Variants in KASH5 observed in about 807,000 individuals in gnomAD.
KASH5 encodes KASH domain containing 5, also known as protein KASH5.
In KASH5, 72 loss-of-function variants were observed where a neutral mutation model predicts 84.2. The ratio of observed to expected loss-of-function variants is 0.85; its 90% CI spans 0.71 to 1.04. KASH5 has a LOEUF of 1.04. KASH5 is among the 50% of genes least tolerant of loss of function. The probability of loss-of-function intolerance (pLI) is 0.00; values close to 1 mark genes in which losing one functional copy is unlikely to be tolerated. For synonymous variants in KASH5, 260 were observed against 279.1 expected (o/e 0.93, Z 0.68); for missense variants, 650 against 701.0 (o/e 0.93, Z 0.82).
At chr19:49,413,728 G>A (rs753894787) in intron 16 of KASH5, among the ~76,000 whole-genome samples, 6 of 152,116 alleles carry the variant, frequency 3.9e-5, no homozygotes, top group Non-Finnish European at 8.8e-5. Flanking sequence ...AGAGGTCAGG[G>A]GCAGTTTGAT....
In KASH5 at chr19:49,398,100, C is replaced by G; in HGVS notation, c.586C>G (p.Arg196Gly). 6.2e-7 allele frequency: 1 copy of G among 1,606,116 alleles called. No homozygotes were observed. Among genetic ancestry groups the G allele is most frequent in the South Asian group, 1.1e-5 (1 of 90,700 alleles). Reference protein sequence around the residue: ...SMETAEEGSARLGEEILALRK... With the variant: ...SMETAEEGSAGLGEEILALRK... ...GGAGACAGCTGAGGAGGGGTCAGCA[C>G]GCCTTGGGGAGGAGATCTTGGCTCT... Residue 196 changes from arginine (R) to glycine (G), a missense_variant, in exon 7 of 20, where the codon CGC becomes GGC. Coordinates refer to ENST00000447857, the MANE Select transcript of KASH5 (RefSeq NM_144688.5).
chr19:49,415,083 C>A, intron 17 of KASH5, 87 bp downstream of exon 17: 3 of 1,262,900 alleles, frequency 2.4e-6, no homozygotes, highest in Non-Finnish European at 3.4e-6. Context: ...CAAGCCCCAG[C>A]CTCACACTCC....
Position 49,399,851 on chromosome 19 carries a change from G to A in KASH5, c.798+344G>A. 1 of 390,798 alleles carries A rather than the reference G, an allele frequency of 2.6e-6. No homozygotes were observed. The highest frequency in any genetic ancestry group is 4.6e-6 in the Non-Finnish European group (1 of 216,202). 24.2% of individuals were successfully genotyped at this position (390,798 alleles called of 1,614,324 possible). A position where few individuals can be genotyped will look rare whatever the true frequency, so the allele number is the denominator to read the frequency against. On this transcript the variant is annotated intron_variant, in intron 9 of 19. Transcript: ENST00000447857. This position sits in a 1 kb window ranked among gnomAD's most constrained non-coding sequence, Gnocchi z 4.4. Reference sequence around the variant, plus strand: ...GTGAGACTTCAACCGAAGGATACTTGCAAAGTCTTGGGCACAAGGTAGGAC... The same window carrying A: ...GTGAGACTTCAACCGAAGGATACTTACAAAGTCTTGGGCACAAGGTAGGAC...
chr19:49,397,898 C>A, intron 6 of KASH5, 84 bp from the exon 7 acceptor site: 1 of 1,514,352 alleles, frequency 6.6e-7, no homozygotes. Flanking sequence ...AGAGCCACAT[C>A]TCCCCACCAC....
intron 5 of KASH5, among the ~76,000 whole-genome samples, chr19:49,396,182 G>C (rs1974170649): frequency 6.6e-6 from 1 of 150,664 alleles, no homozygotes; most frequent in Non-Finnish European, 1.5e-5. Flanking sequence ...CCCCACTTCT[G>C]CCCAGCACAG....
At chr19:49,403,385 AGGG>A (rs10570219) in intron 9 of KASH5, among the ~76,000 whole-genome samples, 2 of 103,266 alleles carry the variant, frequency 1.9e-5, no homozygotes, top group Non-Finnish European at 4.6e-5. Flanking sequence ...ATAAAAAAAA[AGGG>A]GGGGGGCAGC....
chr19:49,389,017 C>T (rs1225214680), intron 1 of KASH5, among the ~76,000 whole-genome samples: 1 of 151,594 alleles, frequency 6.6e-6, no homozygotes, highest in Non-Finnish European at 1.5e-5. Flanking sequence ...CAGAGACCCC[C>T]GCAGAAATCA....
intron 17 of KASH5, 139 bp downstream of exon 17, chr19:49,415,135 T>G: frequency 4.8e-6 from 4 of 829,940 alleles, no homozygotes; most frequent in Non-Finnish European, 7.9e-6. Context: ...GGCCAAGAGA[T>G]AACAAGGCCT....
At chr19:49,415,176 T>TG in intron 17 of KASH5, 180 bp downstream of exon 17, 2 of 679,986 alleles carry the variant, frequency 2.9e-6, no homozygotes. Context: ...GATGGTGAGG[T>TG]GGGGGGAGGC....
At chr19:49,396,774 AGTG>A (rs57655048) in intron 5 of KASH5, among the ~76,000 whole-genome samples, 30,788 of 152,088 alleles carry the variant, frequency 0.2, 3,458 homozygotes, top group Non-Finnish European at 0.25. Flanking sequence ...CCATAAAAAA[AGTG>A]GTCATGATTA....
At position 49,416,920 on chromosome 19, in the gene KASH5, C is replaced by T; in HGVS notation, c.1375-95C>T. Reference sequence around the variant, plus strand: ...CACTCACTTATCTCCTGAGCTCCACCACTTTCTATGTGGCCACTTGTGTCC... The same window carrying T: ...CACTCACTTATCTCCTGAGCTCCACTACTTTCTATGTGGCCACTTGTGTCC... On this transcript the variant is annotated intron_variant, in intron 17 of 19. Coordinates refer to ENST00000447857, the MANE Select transcript of KASH5 (RefSeq NM_144688.5). The surrounding 1 kb of genome is among the most constrained non-coding windows in gnomAD (Gnocchi z 5.4). 7.9e-7 allele frequency: 1 copy of T among 1,257,956 alleles called. No homozygotes were observed. The highest frequency in any genetic ancestry group is 1.1e-6 in the Non-Finnish European group (1 of 883,702). The allele number at this position is 1,257,956 out of a possible 1,614,324, so 77.9% of individuals were successfully genotyped here. A position where few individuals can be genotyped will look rare whatever the true frequency, so the allele number is the denominator to read the frequency against.
intron 6 of KASH5, 109 bp downstream of exon 6, chr19:49,397,826 G>C: frequency 2.7e-6 from 4 of 1,463,634 alleles, no homozygotes; most frequent in African/African-American, 2.8e-5. Flanking sequence ...AATGAGGGAC[G>C]GGGCTTTGCT....
chr19:49,408,909 G>A, intron 12 of KASH5, 58 bp from the exon 13 acceptor site: 4 of 1,530,948 alleles, frequency 2.6e-6, no homozygotes, highest in Non-Finnish European at 1.8e-6. Context: ...GCCCAGAGGT[G>A]GATGGGAGGG....
intron 9 of KASH5, among the ~76,000 whole-genome samples, chr19:49,401,172 C>G (rs1267389870): frequency 6.6e-6 from 1 of 152,192 alleles, no homozygotes; most frequent in Non-Finnish European, 1.5e-5. Context: ...GGGACTCTTA[C>G]TCCACCACTT....
chr19:49,399,148 T>C lies in KASH5; in HGVS notation c.747+6T>C. ...TGGCCCAAGCCCGGCAGGCGGTGGG[T>C]CTGGCCCAGGGGAAGGAAGGTGCCC... On this transcript the variant is annotated splice_donor_region_variant and intron_variant, in intron 8 of 19. Transcript: ENST00000447857. This position sits in a 1 kb window ranked among gnomAD's most constrained non-coding sequence, Gnocchi z 4.4. 1 of 1,546,626 alleles carries C rather than the reference T, an allele frequency of 6.5e-7. No homozygotes were observed. Among genetic ancestry groups the C allele is most frequent in the South Asian group, 1.2e-5 (1 of 83,540 alleles).
At chr19:49,410,881 C>G (rs1189772909) in intron 15 of KASH5, among the ~76,000 whole-genome samples, 4 of 151,972 alleles carry the variant, frequency 2.6e-5, no homozygotes, top group Non-Finnish European at 5.9e-5. Context: ...CCTCAGCCTC[C>G]CAAAGTGCTG....
In KASH5 at chr19:49,417,192, G is replaced by A; in HGVS notation, c.1473G>A (p.Val491=). Residue 491 remains valine (V), a synonymous_variant, in exon 19 of 20, where the codon GTG becomes GTA. Coordinates refer to ENST00000447857, the MANE Select transcript of KASH5 (RefSeq NM_144688.5). This position sits in a 1 kb window ranked among gnomAD's most constrained non-coding sequence, Gnocchi z 5.2. ...GGCGGGAACTCCAGCAAGCCCTGGTGCCTGTGATGAAAAAGCTGGTCCCAG... is the reference window on the plus strand; with the variant it reads ...GGCGGGAACTCCAGCAAGCCCTGGTACCTGTGATGAAAAAGCTGGTCCCAG... The part of the protein sequence containing the change: ...PARRELQQAL[V]PVMKKLVPVR... 6.2e-7 allele frequency: 1 copy of A among 1,613,874 alleles called. No individual in the cohort carries two copies. The highest frequency in any genetic ancestry group is 8.5e-7 in the Non-Finnish European group (1 of 1,179,850).
In KASH5 at chr19:49,414,920, C is replaced by G; in HGVS notation, c.1329-31C>G. The G allele has an allele frequency of 2.5e-6, 4 of 1,605,552 alleles. No individual in the cohort carries two copies. The highest frequency in any genetic ancestry group is 3.4e-6 in the Non-Finnish European group (4 of 1,176,284). On this transcript the variant is annotated intron_variant, in intron 16 of 19. Transcript: ENST00000447857. The surrounding 1 kb of genome is among the most constrained non-coding windows in gnomAD (Gnocchi z 4.5). ...GCAAAGGGAACCAGGGAGAAGAGGACGAAGCCAGCAGTGACTTTGTTGGCC... is the reference window on the plus strand; with the variant it reads ...GCAAAGGGAACCAGGGAGAAGAGGAGGAAGCCAGCAGTGACTTTGTTGGCC...
At chr19:49,404,812 T>G (rs1260063042) in intron 9 of KASH5, among the ~76,000 whole-genome samples, 1 of 152,196 alleles carries the variant, frequency 6.6e-6, no homozygotes, top group Non-Finnish European at 1.5e-5. Flanking sequence ...AATGGCACAA[T>G]TTGATATGTA....
Sources: gnomAD v4.1 joint callset for allele counts (sites outside exome capture counted in the v4.1 genomes callset) on GRCh38, gnomAD v4.1.1 for gene constraint, Gnocchi (gnomAD v3.1) non-coding constraint, MANE v1.5 for transcripts, NCBI Gene and HGNC (gene_info 2026-07-23, HGNC 2026-07-21) for gene names.